The following CPNE3 variants were observed in gnomAD, a reference collection of about 807,000 sequenced individuals.
CPNE3 encodes the protein copine 3, also known as copine-3.
Under a neutral mutation model 63.9 loss-of-function variants are expected in CPNE3, and 68 were observed. The ratio of observed to expected loss-of-function variants is 1.06; its 90% CI spans 0.87 to 1.30. The LOEUF is 1.30. Ranked by LOEUF, CPNE3 falls within the 50% of genes most tolerant of loss-of-function variation. The probability of loss-of-function intolerance (pLI) is 0.00; values close to 1 mark genes in which losing one functional copy is unlikely to be tolerated. For missense variants in CPNE3, 665 were observed against 578.1 expected, an observed-to-expected ratio of 1.15 and a Z score of -1.54; for synonymous variants, 219 against 197.5, an observed-to-expected ratio of 1.11 and a Z score of -0.91.
At chr8:86,516,688 C>T (rs1209088185) in intron 2 of CPNE3, among the ~76,000 whole-genome samples, 1 of 152,176 alleles carries the variant, frequency 6.6e-6, no homozygotes, top group Non-Finnish European at 1.5e-5. Context: ...CCACACCCGG[C>T]CCTATCAATT....
In CPNE3 at chr8:86,558,487, G is replaced by A. The variant is rs1035176194; in HGVS notation, c.*77G>A. On this transcript the variant is annotated 3_prime_UTR_variant, in exon 17 of 17. Coordinates refer to ENST00000517490, the MANE Select transcript of CPNE3 (RefSeq NM_003909.5). ...CCAAATCGTGTATCTGTCATTCTAC[G>A]TACTTTTTACCCCCAGCATTTATGA... 20 of 857,136 alleles carry A rather than the reference G, an allele frequency of 2.3e-5. 1 individual carries two copies. Among genetic ancestry groups the A allele is most frequent in the South Asian group, 1.7e-4 (13 of 75,646 alleles). 53.1% of individuals were successfully genotyped at this position (857,136 alleles called of 1,614,324 possible). A position where few individuals can be genotyped will look rare whatever the true frequency, so the allele number is the denominator to read the frequency against.
intron 14 of CPNE3, chr8:86,554,054 T>C (rs997367352): frequency 5.3e-5 from 8 of 152,190 alleles, no homozygotes; most frequent in Admixed American, 5.2e-4. Context: ...GTTTCTTATA[T>C]TGGGACTCAG....
intron 8 of CPNE3, among the ~76,000 whole-genome samples, chr8:86,543,989 T>C (rs1820997515): frequency 6.6e-6 from 1 of 152,048 alleles, no homozygotes; most frequent in Admixed American, 6.6e-5. Context: ...TGTCACGAAA[T>C]TACATGCATC....
At chr8:86,531,349 A>G in intron 5 of CPNE3, 120 bp downstream of exon 5, 1 of 678,082 alleles carries the variant, frequency 1.5e-6, no homozygotes, top group East Asian at 2.7e-5. Flanking sequence ...TGAATGTTGC[A>G]TTCCATCCAC....
At chr8:86,519,546 T>G (rs1820386288) in intron 2 of CPNE3, among the ~76,000 whole-genome samples, 1 of 152,162 alleles carries the variant, frequency 6.6e-6, no homozygotes, top group Non-Finnish European at 1.5e-5. Context: ...AATGTGAGAT[T>G]TCATGGATGC....
intron 2 of CPNE3, among the ~76,000 whole-genome samples, chr8:86,524,411 A>G (rs1820496260): frequency 6.6e-6 from 1 of 152,114 alleles, no homozygotes; most frequent in African/African-American, 2.4e-5. Flanking sequence ...TGGGAGAATT[A>G]TTGATATATT....
rs370428460 is a variant in CPNE3 at position 86,520,508 on chromosome 8, A to T, written c.-11+5009A>T. On this transcript the variant is annotated intron_variant, in intron 2 of 16. Transcript: ENST00000517490. ...AGGCGGAGGTTGCAAGTGAGCCAAG[A>T]TCTCCATTGCACTCCAGCATGGGCG... Among the ~76,000 whole-genome samples the T allele has an allele frequency of 5.3e-5, 8 of 151,136 alleles. 1 individual carries two copies. Among genetic ancestry groups the T allele is most frequent in the East Asian group, 4.0e-4 (2 of 5,006 alleles).
chr8:86,522,921 A>G (rs1482396637), intron 2 of CPNE3, among the ~76,000 whole-genome samples: 1 of 152,058 alleles, frequency 6.6e-6, no homozygotes, highest in Non-Finnish European at 1.5e-5. Context: ...CGCTCCCCTC[A>G]CCTGCGTACC....
At chr8:86,516,289 G>A (rs1447981598) in intron 2 of CPNE3, among the ~76,000 whole-genome samples, 1 of 152,174 alleles carries the variant, frequency 6.6e-6, no homozygotes. Flanking sequence ...GCTCCAGGAC[G>A]GGAGAAACAG....
At position 86,546,595 on chromosome 8, in the gene CPNE3, G is replaced by A; in HGVS notation, c.733G>A (p.Val245Ile). ...KLKEASRSSP[V>I]EFECINEKKR... ...ACATTTTTGTCTTCTCTTCCTACAG[G>A]TTGAATTTGAATGCATAAATGAGAA... Residue 245 changes from valine (V) to isoleucine (I), a missense_variant and splice_region_variant, in exon 10 of 17, where the codon GTT becomes ATT. Physicochemically the swap from Val to Ile is conservative, Grantham distance 29. Transcript: ENST00000517490. The A allele has an allele frequency of 6.2e-7, 1 of 1,611,276 alleles. No homozygotes were observed. Among genetic ancestry groups the A allele is most frequent in the Non-Finnish European group, 8.5e-7 (1 of 1,179,198 alleles).
Position 86,528,974 on chromosome 8 carries a change from C to T in CPNE3, c.162C>T (p.Cys54=), listed in dbSNP as rs1820606016. The change falls in exon 4 of 17, where the codon TGC becomes TGT. Residue 54 remains cysteine (C), a synonymous_variant. Transcript: ENST00000517490. ...AGCGCACAGAAAGGATTAAGAATTGCTTGAATCCCCAATTTTCCAAGACAT... is the reference window on the plus strand; with the variant it reads ...AGCGCACAGAAAGGATTAAGAATTGTTTGAATCCCCAATTTTCCAAGACAT... ...EVERTERIKN[C]LNPQFSKTFI... 2 of 1,613,454 alleles carry T rather than the reference C, an allele frequency of 1.2e-6. No individual in the cohort carries two copies. The highest frequency in any genetic ancestry group is 1.7e-6 in the Non-Finnish European group (2 of 1,179,858).
chr8:86,546,482 C>T (rs186834042), intron 9 of CPNE3, 113 bp from the exon 10 acceptor site: 2 of 1,033,358 alleles, frequency 1.9e-6, no homozygotes, highest in Admixed American at 4.5e-5. Context: ...TGCAACAGAC[C>T]TACATCAGTA....
At chr8:86,535,370 C>T (rs1047164800) in intron 6 of CPNE3, among the ~76,000 whole-genome samples, 1 of 151,068 alleles carries the variant, frequency 6.6e-6, no homozygotes, top group East Asian at 1.9e-4. Context: ...ACAACTATTT[C>T]CAATTCAAAT....
At chr8:86,547,624 C>T (rs1821082042) in intron 10 of CPNE3, 87 bp from the exon 11 acceptor site, 1 of 710,660 alleles carries the variant, frequency 1.4e-6, no homozygotes, top group Non-Finnish European at 2.5e-6. Context: ...GTTCAATTTA[C>T]AGACTTTTAA....
In CPNE3 at chr8:86,560,209, G is replaced by A. The variant is rs1821408323; in HGVS notation, c.*1799G>A. The A allele has an allele frequency of 6.6e-6, 1 of 152,138 alleles. No homozygotes were observed. The highest frequency in any genetic ancestry group is 2.4e-5 in the African/African-American group (1 of 41,430). 9.4% of individuals were successfully genotyped at this position (152,138 alleles called of 1,614,324 possible). ...AACTAACCCTTCTTCTGATTGTTTG[G>A]AGCCATAGTTGTCTCAGATGTTCTA... On this transcript the variant is annotated 3_prime_UTR_variant, in exon 17 of 17. Coordinates refer to ENST00000517490, the MANE Select transcript of CPNE3 (RefSeq NM_003909.5).
intron 2 of CPNE3, among the ~76,000 whole-genome samples, chr8:86,524,386 G>A (rs113508050): frequency 5.5e-4 from 84 of 152,228 alleles, no homozygotes; most frequent in Middle Eastern, 3.4e-3. Flanking sequence ...TATTGATTCA[G>A]AACGTTAGGG....
chr8:86,532,356 A>C (rs1259589933), intron 5 of CPNE3, among the ~76,000 whole-genome samples, 153 bp from the exon 6 acceptor site: 1 of 152,188 alleles, frequency 6.6e-6, no homozygotes, highest in Non-Finnish European at 1.5e-5. Flanking sequence ...ATAATGGTAG[A>C]TCTTTTTTAA....
At position 86,556,410 on chromosome 8, in the gene CPNE3, A is replaced by G. The variant is rs990189300; in HGVS notation, c.1491+72A>G. ...GACCTTTGCCCATCTACAACCAGGC[A>G]GTTGATTAGGTGTGCAGGGTTAGAG... On this transcript the variant is annotated intron_variant, in intron 16 of 16. Transcript: ENST00000517490. The G allele has an allele frequency of 2.1e-5, 18 of 838,766 alleles. No individual in the cohort carries two copies. The African/African-American group carries it at 2.6e-4, about 12-fold the overall frequency. 52.0% of individuals were successfully genotyped at this position (838,766 alleles called of 1,614,324 possible). A position where few individuals can be genotyped will look rare whatever the true frequency, so the allele number is the denominator to read the frequency against.
chr8:86,549,598 T>C (rs541356926), intron 12 of CPNE3, among the ~76,000 whole-genome samples: 3 of 152,312 alleles, frequency 2.0e-5, no homozygotes, highest in African/African-American at 7.2e-5. Context: ...CTGTATAAAT[T>C]AGAGTACAGA....
Sources: allele counts gnomAD v4.1 joint callset (sites outside exome capture counted in the v4.1 genomes callset), GRCh38; gene constraint gnomAD v4.1.1; transcripts MANE v1.5; gene names NCBI Gene and HGNC (gene_info 2026-07-23, HGNC 2026-07-21).